The following HNF1B variants were observed in gnomAD, a reference collection of about 807,000 sequenced individuals.
HNF1B encodes hepatocyte nuclear factor 1-beta.
In HNF1B, 8 loss-of-function variants were observed where a neutral mutation model predicts 61.7. The observed-to-expected ratio is 0.13, with a 90% CI of 0.08 to 0.23. The LOEUF (loss-of-function observed/expected upper bound fraction) is 0.23. Among genes scored for constraint, HNF1B ranks in the 10% least tolerant of loss-of-function variants. HNF1B has a pLI of 1.00. For missense variants in HNF1B, 562 were observed against 714.5 expected (o/e 0.79, Z 2.43); for synonymous variants, 314 against 287.7 (o/e 1.09, Z -0.93).
chr17:37,699,071 A>G lies in HNF1B; in HGVS notation c.1653+5T>C. 3.1e-6 allele frequency: 5 copies of G among 1,602,782 alleles called. No individual in the cohort carries two copies. The highest frequency in any genetic ancestry group is 4.3e-6 in the Non-Finnish European group (5 of 1,169,694). On this transcript the variant is annotated splice_donor_5th_base_variant and intron_variant, in intron 8 of 8. Coordinates refer to ENST00000617811, the MANE Select transcript of HNF1B (RefSeq NM_000458.4). ...CCCAACCCCCGCAAATCCTGCTGGCATTACCTGTTTACTTGAAGACATGTT... is the reference window on the plus strand; with the variant it reads ...CCCAACCCCCGCAAATCCTGCTGGCGTTACCTGTTTACTTGAAGACATGTT...
At chr17:37,735,485 C>T (rs2033807424) in intron 2 of HNF1B, among the ~76,000 whole-genome samples, 1 of 152,194 alleles carries the variant, frequency 6.6e-6, no homozygotes, top group Non-Finnish European at 1.5e-5. Flanking sequence ...GATTTCGGCC[C>T]ATTCACCTTG....
chr17:37,689,514 T>C (rs1023276978), intron 8 of HNF1B, among the ~76,000 whole-genome samples: 2 of 152,220 alleles, frequency 1.3e-5, no homozygotes, highest in Non-Finnish European at 2.9e-5. Flanking sequence ...GAGCCCAAAA[T>C]GTTGTCAAAA....
At chr17:37,741,542 C>A (rs934883526) in intron 1 of HNF1B, among the ~76,000 whole-genome samples, 1 of 152,148 alleles carries the variant, frequency 6.6e-6, no homozygotes, top group Non-Finnish European at 1.5e-5. Context: ...TTAGACATAT[C>A]CTTGTAAACA....
At chr17:37,706,013 C>T (rs890875429) in intron 5 of HNF1B, among the ~76,000 whole-genome samples, 7 of 152,138 alleles carry the variant, frequency 4.6e-5, no homozygotes, top group Non-Finnish European at 7.3e-5. Context: ...GGCTGGAGTG[C>T]AGTGGCATGA....
chr17:37,695,853 T>C (rs976168987), intron 8 of HNF1B, among the ~76,000 whole-genome samples: 2 of 152,212 alleles, frequency 1.3e-5, no homozygotes, highest in Non-Finnish European at 2.9e-5. Context: ...TACAAGCTCA[T>C]AGGTGGAAGG....
In HNF1B at chr17:37,710,237, G is replaced by A. The variant is rs1033806687; in HGVS notation, c.1206+266C>T. Among the ~76,000 whole-genome samples the A allele has an allele frequency of 2.6e-5, 4 of 152,174 alleles. No individual in the cohort carries two copies. In the East Asian group the frequency reaches 5.8e-4, roughly 22 times the overall value. ...GCCCCAAAACAAACAGTGTCCCACC[G>A]GGCTTGCTCCTTTATGAGGCATTCA... On this transcript the variant is annotated intron_variant, in intron 5 of 8. Coordinates refer to ENST00000617811, the MANE Select transcript of HNF1B (RefSeq NM_000458.4).
At chr17:37,716,841 A>C (rs1230146674) in intron 4 of HNF1B, among the ~76,000 whole-genome samples, 1 of 76,872 alleles carries the variant, frequency 1.3e-5, no homozygotes, top group East Asian at 4.1e-4. Context: ...ACACTTTAAC[A>C]ATCTCTCTCT....
intron 4 of HNF1B, among the ~76,000 whole-genome samples, chr17:37,727,832 G>C (rs1480412366): frequency 6.6e-6 from 1 of 152,106 alleles, no homozygotes; most frequent in Non-Finnish European, 1.5e-5. Flanking sequence ...TCGTCTCCAA[G>C]GTGCTGCCAG....
intron 8 of HNF1B, among the ~76,000 whole-genome samples, chr17:37,698,384 C>T (rs2032455929): frequency 6.6e-6 from 1 of 152,194 alleles, no homozygotes; most frequent in African/African-American, 2.4e-5. Flanking sequence ...TCGCCATCAG[C>T]TGCCTGTCTA....
chr17:37,704,812 G>T, intron 6 of HNF1B, 105 bp downstream of exon 6: 3 of 1,249,286 alleles, frequency 2.4e-6, no homozygotes, highest in Non-Finnish European at 3.5e-6. Context: ...TCTACTAGTC[G>T]TGGGTGAGTT....
Position 37,701,139 on chromosome 17 carries a change from T to A in HNF1B, c.1378A>T (p.Asn460Tyr). Residue 460 changes from asparagine (N) to tyrosine (Y), a missense_variant, in exon 7 of 9, where the codon AAC becomes TAC. Physicochemically the swap from Asn to Tyr is moderately radical, Grantham distance 143. Transcript: ENST00000617811. The stretch of plus-strand genomic sequence containing the variant: ...GCTGCCAGGCTGCCGGCCACACTGT[T>A]GATGACAGGGACACTCTGTGCTTGG... ...TSQAQSVPVI[N>Y]SVAGSLAALQ... 6.4e-7 allele frequency: 1 copy of A among 1,551,940 alleles called. No homozygotes were observed. Among genetic ancestry groups the A allele is most frequent in the Non-Finnish European group, 8.7e-7 (1 of 1,147,512 alleles).
chr17:37,733,739 G>A lies in HNF1B; in HGVS notation c.627C>T (p.Phe209=). 2 of 1,614,192 alleles carry A rather than the reference G, an allele frequency of 1.2e-6. No individual in the cohort carries two copies. The highest frequency in any genetic ancestry group is 1.7e-6 in the Non-Finnish European group (2 of 1,180,036). ...GCCCAGGCCCATGGCTCTGTTGACT[G>A]AACTCTGGAAAGAGAAACAGCAGCT... ...QDQLLFLFPE[F]SQQSHGPGQS... The change falls in exon 3 of 9, where the codon TTC becomes TTT. Residue 209 remains phenylalanine (F), a synonymous_variant. Transcript: ENST00000617811.
chr17:37,716,229 A>G (rs1033338241), intron 4 of HNF1B, among the ~76,000 whole-genome samples: 1 of 152,098 alleles, frequency 6.6e-6, no homozygotes, highest in Non-Finnish European at 1.5e-5. Flanking sequence ...ACAGAGTCTC[A>G]TTCTGTCACC....
chr17:37,731,010 G>A (rs1367285315), intron 4 of HNF1B: 45 of 173,230 alleles, frequency 2.6e-4, no homozygotes, highest in African/African-American at 1.7e-4. Context: ...GCAGGTACTC[G>A]GTCAGTTTTT....
At chr17:37,737,108 A>G (rs555996681) in intron 2 of HNF1B, among the ~76,000 whole-genome samples, 2 of 152,102 alleles carry the variant, frequency 1.3e-5, no homozygotes, top group African/African-American at 2.4e-5. Context: ...TTTTCCAGGA[A>G]ATTTGTAATC....
chr17:37,731,517 C>T (rs781007432), intron 4 of HNF1B, 78 bp downstream of exon 4: 61 of 1,227,328 alleles, frequency 5.0e-5, no homozygotes, highest in South Asian at 1.3e-5. Flanking sequence ...CCTCTGAAAA[C>T]CCTTAAACCA....
intron 4 of HNF1B, among the ~76,000 whole-genome samples, chr17:37,727,891 T>C (rs1231390953): frequency 6.6e-6 from 1 of 151,288 alleles, no homozygotes; most frequent in African/African-American, 2.4e-5. Context: ...GCGTGGAGAG[T>C]GGGTGTGGAG....
At chr17:37,744,084 G>A (rs978315879) in intron 1 of HNF1B, among the ~76,000 whole-genome samples, 4 of 152,262 alleles carry the variant, frequency 2.6e-5, no homozygotes, top group African/African-American at 9.6e-5. Context: ...CATCATGCAG[G>A]TCAATGTGTC....
chr17:37,709,461 T>G (rs2032862132), intron 5 of HNF1B, among the ~76,000 whole-genome samples: 1 of 151,856 alleles, frequency 6.6e-6, no homozygotes, highest in Non-Finnish European at 1.5e-5. Context: ...CGCCCTGTTG[T>G]CCAGGCTGGT....
Sources: allele counts gnomAD v4.1 joint callset (sites outside exome capture counted in the v4.1 genomes callset), GRCh38; gene constraint gnomAD v4.1.1; transcripts MANE v1.5; gene names NCBI Gene and HGNC (gene_info 2026-07-23, HGNC 2026-07-21).